Variants in LINGO2 observed in about 807,000 individuals in gnomAD.
LINGO2 encodes leucine rich repeat and Ig domain containing 2.
A neutral mutation model predicts 30.6 loss-of-function variants in LINGO2; 14 were observed. The observed-to-expected ratio is 0.46, with a 90% CI of 0.30 to 0.72. The LOEUF is 0.72. Among genes scored for constraint, LINGO2 ranks in the 30% least tolerant of loss-of-function variants. LINGO2 has a pLI of 0.07. For missense variants in LINGO2, 729 were observed against 751.7 expected (o/e 0.97, Z 0.35); for synonymous variants, 317 against 288.5 (o/e 1.10, Z -1.00).
At chr9:29,201,752 TGTAG>T in the LINGO2 span, among the ~76,000 whole-genome samples, 1 of 152,064 alleles carries the variant, frequency 6.6e-6, no homozygotes, top group African/African-American at 2.4e-5. Flanking sequence ...AATGACTTTG[TGTAG>T]GTACTGAGCA....
At chr9:28,994,927 C>T in the LINGO2 span, among the ~76,000 whole-genome samples, 9 of 152,234 alleles carry the variant, frequency 5.9e-5, no homozygotes, top group Admixed American at 3.3e-4. Flanking sequence ...TAGAAGAAAA[C>T]CTAGACAGTA....
intron 1 of LINGO2, among the ~76,000 whole-genome samples, chr9:28,504,505 CTG>C (rs1390259623): frequency 4.0e-5 from 6 of 151,748 alleles, no homozygotes; most frequent in African/African-American, 1.4e-4. Flanking sequence ...CCCTACTGTG[CTG>C]TGTTTTCACT....
chr9:28,132,327 G>A (rs1385358987), intron 4 of LINGO2, among the ~76,000 whole-genome samples: 1 of 151,934 alleles, frequency 6.6e-6, no homozygotes, highest in Non-Finnish European at 1.5e-5. Flanking sequence ...ATACCCATGT[G>A]TAGAGCTATT....
At chr9:28,596,799 A>G (rs1447492112) in intron 1 of LINGO2, among the ~76,000 whole-genome samples, 1 of 152,122 alleles carries the variant, frequency 6.6e-6, no homozygotes, top group Non-Finnish European at 1.5e-5. Flanking sequence ...AGTTCAAATG[A>G]CCCATTAATT....
chr9:28,374,071 G>T (rs967994422), intron 2 of LINGO2, among the ~76,000 whole-genome samples: 1 of 151,996 alleles, frequency 6.6e-6, no homozygotes, highest in African/African-American at 2.4e-5. Flanking sequence ...ACCTCATGAG[G>T]TAAGTAATAG....
At chr9:28,994,529 A>T in the LINGO2 span, among the ~76,000 whole-genome samples, 1 of 151,442 alleles carries the variant, frequency 6.6e-6, no homozygotes, top group South Asian at 2.1e-4. Flanking sequence ...TTTAAAGTTC[A>T]TATGGAACCA....
the LINGO2 span, among the ~76,000 whole-genome samples, chr9:28,933,963 C>G: frequency 6.6e-6 from 1 of 152,066 alleles, no homozygotes; most frequent in Admixed American, 6.6e-5. Context: ...AACATATTTT[C>G]TTTTGAAGAG....
chr9:28,535,707 C>T (rs1821410714), intron 1 of LINGO2, among the ~76,000 whole-genome samples: 2 of 147,534 alleles, frequency 1.4e-5, no homozygotes, highest in South Asian at 4.2e-4. Context: ...TGCATGCACA[C>T]ACACACACAC....
intron 4 of LINGO2, among the ~76,000 whole-genome samples, chr9:28,266,873 C>A (rs1245176261): frequency 6.6e-6 from 1 of 152,024 alleles, no homozygotes; most frequent in Non-Finnish European, 1.5e-5. Flanking sequence ...GTAGCATGTA[C>A]ATCATTATTC....
chr9:28,835,339 A>C, the LINGO2 span, among the ~76,000 whole-genome samples: 2 of 151,480 alleles, frequency 1.3e-5, no homozygotes, highest in African/African-American at 4.9e-5. Flanking sequence ...AATTAATAAC[A>C]TGTGCTATTC....
At chr9:28,484,825 T>C (rs931908563) in intron 1 of LINGO2, among the ~76,000 whole-genome samples, 8 of 152,072 alleles carry the variant, frequency 5.3e-5, no homozygotes, top group Non-Finnish European at 1.0e-4. Flanking sequence ...TGTTACAAAG[T>C]AGTGTCAGAG....
At chr9:28,103,640 T>C (rs1270709064) in intron 4 of LINGO2, among the ~76,000 whole-genome samples, 1 of 152,144 alleles carries the variant, frequency 6.6e-6, no homozygotes, top group East Asian at 1.9e-4. Context: ...CCAGCAGAAC[T>C]ATTTAGCTTA....
chr9:28,685,409 C>CA, the LINGO2 span, among the ~76,000 whole-genome samples: 990 of 152,168 alleles, frequency 6.5e-3, 26 homozygotes, highest in Admixed American at 0.035. Flanking sequence ...TACACTGTAA[C>CA]AAAAAATAGA....
At chr9:28,752,864 C>A in the LINGO2 span, among the ~76,000 whole-genome samples, 1 of 151,900 alleles carries the variant, frequency 6.6e-6, no homozygotes, top group Non-Finnish European at 1.5e-5. Flanking sequence ...GCCTCTGGGG[C>A]CAAGGTCAGC....
chr9:28,163,016 CTAAG>C (rs1363632548), intron 4 of LINGO2, among the ~76,000 whole-genome samples: 2 of 152,006 alleles, frequency 1.3e-5, no homozygotes, highest in African/African-American at 4.8e-5. Flanking sequence ...CTGGAAAACT[CTAAG>C]TAACAGATTG....
chr9:29,010,691 A>C, the LINGO2 span, among the ~76,000 whole-genome samples: 1 of 152,114 alleles, frequency 6.6e-6, no homozygotes, highest in Non-Finnish European at 1.5e-5. Flanking sequence ...AGAATTAGAT[A>C]ATTTTTTCTT....
chr9:28,664,993 TTACATATA>T (rs1199763997), intron 1 of LINGO2, among the ~76,000 whole-genome samples: 1 of 57,096 alleles, frequency 1.8e-5, no homozygotes, highest in Admixed American at 1.8e-4. Context: ...ATGTATGTGT[TTACATATA>T]TATATATATA....
At chr9:29,184,776 G>T in the LINGO2 span, among the ~76,000 whole-genome samples, 1 of 147,560 alleles carries the variant, frequency 6.8e-6, no homozygotes, top group East Asian at 2.1e-4. Context: ...TCTGGAGAAT[G>T]GATTTAATTG....
At chr9:28,944,733 C>T in the LINGO2 span, among the ~76,000 whole-genome samples, 1 of 151,860 alleles carries the variant, frequency 6.6e-6, no homozygotes, top group Admixed American at 6.6e-5. Context: ...AGGTTATTGA[C>T]CAGCTACTGA....
Sources: allele counts gnomAD v4.1 joint callset (sites outside exome capture counted in the v4.1 genomes callset), GRCh38; gene constraint gnomAD v4.1.1; transcripts MANE v1.5; gene names NCBI Gene and HGNC (gene_info 2026-07-23, HGNC 2026-07-21).